The following HFM1 variants were observed in gnomAD, a reference collection of about 807,000 sequenced individuals.
HFM1 encodes the protein probable ATP-dependent DNA helicase HFM1.
Under a neutral mutation model 192.1 loss-of-function variants are expected in HFM1, and 169 were observed. The ratio of observed to expected loss-of-function variants is 0.88; its 90% CI spans 0.78 to 1.00. The LOEUF is 1.00. HFM1 is among the 50% of genes least tolerant of loss of function. HFM1 has a pLI of 0.00. For missense variants in HFM1, 1,661 were observed against 1,668.0 expected (o/e 1.00, Z 0.07); for synonymous variants, 525 against 537.8 (o/e 0.98, Z 0.33).
intron 20 of HFM1, among the ~76,000 whole-genome samples, chr1:91,335,725 C>T (rs1461516816): frequency 6.6e-6 from 1 of 151,972 alleles, no homozygotes; most frequent in African/African-American, 2.4e-5. Context: ...TGGTAGGGAG[C>T]ATGGAGGACA....
At chr1:91,384,371 G>T (rs1661921507) in intron 6 of HFM1, among the ~76,000 whole-genome samples, 1 of 152,050 alleles carries the variant, frequency 6.6e-6, no homozygotes, top group Non-Finnish European at 1.5e-5. Context: ...TATTAAAGAA[G>T]CAAAAACAAT....
chr1:91,305,188 C>A (rs545322346), intron 30 of HFM1, among the ~76,000 whole-genome samples: 1 of 152,240 alleles, frequency 6.6e-6, no homozygotes, highest in Admixed American at 6.5e-5. Flanking sequence ...TAGGATCAGC[C>A]TGTGAATTTC....
chr1:91,342,262 G>A (rs953148526), intron 20 of HFM1, among the ~76,000 whole-genome samples: 1 of 151,270 alleles, frequency 6.6e-6, no homozygotes, highest in Non-Finnish European at 1.5e-5. Flanking sequence ...GAGAGAGAAA[G>A]AGAGAGAGAT....
At chr1:91,296,923 G>A (rs1647689591) in intron 30 of HFM1, among the ~76,000 whole-genome samples, 1 of 152,164 alleles carries the variant, frequency 6.6e-6, no homozygotes, top group South Asian at 2.1e-4. Context: ...TCATCTCACT[G>A]GGGAATGTCA....
At chr1:91,264,799 A>G (rs1665592308) in intron 36 of HFM1, among the ~76,000 whole-genome samples, 1 of 152,144 alleles carries the variant, frequency 6.6e-6, no homozygotes, top group Non-Finnish European at 1.5e-5. Context: ...CTTCTAATCA[A>G]GTCCAGTATT....
At chr1:91,306,496 A>T (rs578009178) in intron 30 of HFM1, among the ~76,000 whole-genome samples, 1 of 152,318 alleles carries the variant, frequency 6.6e-6, no homozygotes, top group Admixed American at 6.5e-5. Context: ...AGTGAATTAT[A>T]TTGATCTACT....
At chr1:91,376,470 CAA>C (rs947274034) in intron 11 of HFM1, among the ~76,000 whole-genome samples, 1 of 151,782 alleles carries the variant, frequency 6.6e-6, no homozygotes, top group Non-Finnish European at 1.5e-5. Flanking sequence ...GAAGATCTGA[CAA>C]AAGAGACAGA....
intron 11 of HFM1, among the ~76,000 whole-genome samples, chr1:91,377,118 T>C (rs1352978935): frequency 1.3e-5 from 2 of 151,834 alleles, no homozygotes; most frequent in African/African-American, 4.8e-5. Flanking sequence ...GTATGTACAT[T>C]ATGATTCCTA....
intron 13 of HFM1, among the ~76,000 whole-genome samples, chr1:91,369,912 G>A (rs1011823031): frequency 2.0e-4 from 31 of 151,914 alleles, no homozygotes; most frequent in Admixed American, 1.2e-3. Context: ...AGGGGATATA[G>A]CCACCGATCC....
intron 6 of HFM1, among the ~76,000 whole-genome samples, chr1:91,382,777 C>T (rs1661706070): frequency 6.6e-6 from 1 of 152,176 alleles, no homozygotes; most frequent in Non-Finnish European, 1.5e-5. Context: ...AGTATTTCAG[C>T]TCATAAGAAA....
chr1:91,276,113 A>G (rs1666779069), intron 32 of HFM1, among the ~76,000 whole-genome samples: 1 of 151,898 alleles, frequency 6.6e-6, no homozygotes, highest in Admixed American at 6.6e-5. Flanking sequence ...TATAATCTCT[A>G]TGCTTGGAAT....
At chr1:91,393,421 T>C (rs1271123908) in intron 4 of HFM1, among the ~76,000 whole-genome samples, 1 of 152,208 alleles carries the variant, frequency 6.6e-6, no homozygotes, top group South Asian at 2.1e-4. Context: ...TGTCCATATC[T>C]GTACTCATCA....
At chr1:91,294,030 C>A (rs1669100802) in intron 30 of HFM1, among the ~76,000 whole-genome samples, 1 of 130,084 alleles carries the variant, frequency 7.7e-6, no homozygotes. Context: ...AGGGGAACAT[C>A]ACACTCTGGG....
At chr1:91,373,940 A>G (rs2101950860) in intron 13 of HFM1, among the ~76,000 whole-genome samples, 1 of 152,260 alleles carries the variant, frequency 6.6e-6, no homozygotes, top group Admixed American at 6.5e-5. Flanking sequence ...AATCTAATTA[A>G]TAGAAAAGAT....
At chr1:91,308,131 T>C (rs1165259306) in intron 30 of HFM1, among the ~76,000 whole-genome samples, 2 of 152,238 alleles carry the variant, frequency 1.3e-5, no homozygotes, top group Admixed American at 1.3e-4. Flanking sequence ...TGTTGGTTGG[T>C]GTCTTTTATT....
chr1:91,320,273 T>C (rs1294802949), intron 23 of HFM1, among the ~76,000 whole-genome samples: 1 of 152,188 alleles, frequency 6.6e-6, no homozygotes, highest in African/African-American at 2.4e-5. Flanking sequence ...ACAAGATACA[T>C]GAAAATTGAA....
chr1:91,405,572 A>G (rs1290253920), upstream of HFM1, among the ~76,000 whole-genome samples: 1 of 152,096 alleles, frequency 6.6e-6, no homozygotes, highest in African/African-American at 2.4e-5. Flanking sequence ...TTGCAGTTCT[A>G]CTGTTCATTA....
intron 13 of HFM1, among the ~76,000 whole-genome samples, chr1:91,355,590 T>C (rs189233543): frequency 6.6e-6 from 1 of 152,260 alleles, no homozygotes; most frequent in Non-Finnish European, 1.5e-5. Flanking sequence ...TTAAAATGAC[T>C]TTAAGTCAAA....
chr1:91,365,853 TATTG>T (rs1659227549), intron 13 of HFM1, among the ~76,000 whole-genome samples: 1 of 151,470 alleles, frequency 6.6e-6, no homozygotes, highest in Non-Finnish European at 1.5e-5. Flanking sequence ...ACATATACAA[TATTG>T]ATTAAGAAAT....
Sources: gnomAD v4.1 joint callset for allele counts (sites outside exome capture counted in the v4.1 genomes callset) on GRCh38, gnomAD v4.1.1 for gene constraint, MANE v1.5 for transcripts, NCBI Gene and HGNC (gene_info 2026-07-23, HGNC 2026-07-21) for gene names.